The following HTR4 variants were observed in gnomAD, a reference collection of about 807,000 sequenced individuals.
The protein encoded by HTR4 is 5-hydroxytryptamine receptor 4.
A neutral mutation model predicts 36.8 loss-of-function variants in HTR4; 16 were observed. That is an observed-to-expected ratio of 0.43 (90% CI 0.29 to 0.66). The LOEUF is 0.66. Ranked by LOEUF, HTR4 falls within the 30% of genes least tolerant of loss-of-function variation. The probability of loss-of-function intolerance (pLI) is 0.13; values close to 1 mark genes in which losing one functional copy is unlikely to be tolerated. For synonymous variants in HTR4, 189 were observed against 185.1 expected, an observed-to-expected ratio of 1.02 and a Z score of -0.17; for missense variants, 438 against 490.9, an observed-to-expected ratio of 0.89 and a Z score of 1.02.
intron 2 of HTR4, among the ~76,000 whole-genome samples, chr5:148,622,374 T>C (rs1271987090): frequency 6.6e-6 from 1 of 152,192 alleles, no homozygotes; most frequent in Non-Finnish European, 1.5e-5. Context: ...ATGGGTAACT[T>C]TGTCTTCAAA....
chr5:148,479,463 T>C (rs551717074), downstream of HTR4, among the ~76,000 whole-genome samples: 1 of 152,182 alleles, frequency 6.6e-6, no homozygotes, highest in Non-Finnish European at 1.5e-5. Context: ...TCCTTGAATA[T>C]ATAATTTATA....
intron 2 of HTR4, among the ~76,000 whole-genome samples, chr5:148,620,083 C>T (rs1752858500): frequency 6.6e-6 from 1 of 152,162 alleles, no homozygotes; most frequent in South Asian, 2.1e-4. Flanking sequence ...AGACTCCATC[C>T]TTGAGGGCTG....
chr5:148,559,117 CTGAT>C (rs1368974249), intron 2 of HTR4, among the ~76,000 whole-genome samples: 1 of 152,170 alleles, frequency 6.6e-6, no homozygotes, highest in Non-Finnish European at 1.5e-5. Flanking sequence ...GATCACCTGA[CTGAT>C]TGAGAGTTGG....
chr5:148,570,912 G>GTCC (rs1251664860), intron 2 of HTR4, among the ~76,000 whole-genome samples: 4 of 151,924 alleles, frequency 2.6e-5, no homozygotes, highest in Admixed American at 1.3e-4. Context: ...ATCGATACCA[G>GTCC]TCAACCTATC....
At chr5:148,609,596 T>G (rs1225588938) in intron 2 of HTR4, among the ~76,000 whole-genome samples, 2 of 146,770 alleles carry the variant, frequency 1.4e-5, no homozygotes, top group South Asian at 2.2e-4. Flanking sequence ...TTTTTTTTTT[T>G]GAGACTCCGC....
intron 2 of HTR4, among the ~76,000 whole-genome samples, chr5:148,596,084 AATT>A (rs1366369995): frequency 6.6e-6 from 1 of 152,218 alleles, no homozygotes; most frequent in African/African-American, 2.4e-5. Context: ...AGGACATAGT[AATT>A]AAGCAAATGC....
At chr5:148,630,119 C>T (rs1753270421) in intron 2 of HTR4, 1 of 152,214 alleles carries the variant, frequency 6.6e-6, no homozygotes, top group Non-Finnish European at 1.5e-5. Flanking sequence ...TTTAACATCT[C>T]CTTCTCCCTG....
chr5:148,596,707 T>C (rs924015392), intron 2 of HTR4, among the ~76,000 whole-genome samples: 17 of 152,122 alleles, frequency 1.1e-4, no homozygotes, highest in Admixed American at 1.0e-3. Flanking sequence ...GGTGCCCCAG[T>C]TGAGAAGTAC....
chr5:148,639,617 GTATATATA>G lies in HTR4; in HGVS notation c.-47-2564_-47-2557del, dbSNP rs370514542. ...TCTCTGTTCTATTTTTTTCTTCCCA[GTATATATA>G]TATATATATATATATATATAGTCAA... On this transcript the variant is annotated intron_variant, in intron 1 of 6. Coordinates refer to ENST00000377888, the MANE Select transcript of HTR4 (RefSeq NM_000870.7). 1.5e-4 allele frequency among the ~76,000 whole-genome samples: 17 copies of G among 111,858 alleles called. 1 individual carries two copies. In the South Asian group the frequency reaches 2.2e-3, roughly 15 times the overall value. The allele number at this position is 111,858 out of a possible 152,430, so 73.4% of individuals were successfully genotyped here.
chr5:148,541,178 T>C (rs1477095324), intron 4 of HTR4, among the ~76,000 whole-genome samples: 1 of 152,148 alleles, frequency 6.6e-6, no homozygotes. Context: ...GATCACACAC[T>C]TGACAACCAG....
chr5:148,538,826 T>C lies in HTR4; in HGVS notation c.353+9842A>G, dbSNP rs372227536. On this transcript the variant is annotated intron_variant, in intron 4 of 6. Transcript: ENST00000377888. ...AAAGTAATTTGCAGATTCAATGCTA[T>C]TTCTATCAAACTACCAAAAACATTC... Among the ~76,000 whole-genome samples, 13 of 152,316 alleles carry C rather than the reference T, an allele frequency of 8.5e-5. No homozygotes were observed. In the East Asian group the frequency reaches 2.5e-3, roughly 29 times the overall value.
chr5:148,543,528 T>C (rs562945980), intron 4 of HTR4, among the ~76,000 whole-genome samples: 4 of 152,300 alleles, frequency 2.6e-5, no homozygotes, highest in African/African-American at 9.6e-5. Context: ...GCATATATCA[T>C]AAACTCAAAA....
At chr5:148,470,195 G>A (rs1221067332) in intron 5 of HTR4, among the ~76,000 whole-genome samples, 1 of 152,088 alleles carries the variant, frequency 6.6e-6, no homozygotes, top group Non-Finnish European at 1.5e-5. Context: ...CAGTGGTAAC[G>A]GTGCTATTAA....
At chr5:148,528,394 A>C (rs1272500229) in intron 4 of HTR4, among the ~76,000 whole-genome samples, 4 of 152,130 alleles carry the variant, frequency 2.6e-5, no homozygotes, top group Non-Finnish European at 5.9e-5. Context: ...CTGAAGATTC[A>C]CACCAAGACC....
intron 6 of HTR4, among the ~76,000 whole-genome samples, chr5:148,489,708 T>C (rs1301562481): frequency 6.6e-6 from 1 of 152,118 alleles, no homozygotes; most frequent in African/African-American, 2.4e-5. Context: ...TGTATGTTTA[T>C]TGCACGAAGA....
chr5:148,496,914 A>G (rs576340942), intron 6 of HTR4, among the ~76,000 whole-genome samples: 19 of 152,184 alleles, frequency 1.2e-4, no homozygotes, highest in Non-Finnish European at 2.8e-4. Flanking sequence ...TAAATGCTCA[A>G]TACATAGTTC....
At chr5:148,577,944 CT>C (rs1760992339) in intron 2 of HTR4, among the ~76,000 whole-genome samples, 1 of 151,718 alleles carries the variant, frequency 6.6e-6, no homozygotes, top group Non-Finnish European at 1.5e-5. Context: ...TGTAACAAAC[CT>C]TCACATGTAC....
chr5:148,540,861 G>A (rs914100769), intron 4 of HTR4, among the ~76,000 whole-genome samples: 2 of 152,082 alleles, frequency 1.3e-5, no homozygotes, highest in Non-Finnish European at 2.9e-5. Flanking sequence ...TAACCTTCAA[G>A]GGCACTCAGC....
At chr5:148,559,358 C>A (rs993601633) in intron 2 of HTR4, among the ~76,000 whole-genome samples, 1 of 152,140 alleles carries the variant, frequency 6.6e-6, no homozygotes, top group African/African-American at 2.4e-5. Context: ...TGAACAAAAT[C>A]TGAGTTTAAC....
Sources: gnomAD v4.1 joint callset for allele counts (sites outside exome capture counted in the v4.1 genomes callset) on GRCh38, gnomAD v4.1.1 for gene constraint, MANE v1.5 for transcripts, NCBI Gene and HGNC (gene_info 2026-07-23, HGNC 2026-07-21) for gene names.